Variants in DNAH7 observed in about 807,000 individuals in gnomAD.
The protein encoded by DNAH7 is dynein axonemal heavy chain 7.
A neutral mutation model predicts 444.6 loss-of-function variants in DNAH7; 397 were observed. That is an observed-to-expected ratio of 0.89 (90% CI 0.82 to 0.97). The LOEUF is 0.97. Ranked by LOEUF, DNAH7 falls within the 50% of genes least tolerant of loss-of-function variation. The probability of loss-of-function intolerance (pLI) is 0.00; values close to 1 mark genes in which losing one functional copy is unlikely to be tolerated. For missense variants in DNAH7, 4,902 were observed against 4,800.8 expected, an observed-to-expected ratio of 1.02 and a Z score of -0.62; for synonymous variants, 1,636 against 1,624.4, an observed-to-expected ratio of 1.01 and a Z score of -0.17.
At chr2:195,994,312 T>C in intron 12 of DNAH7, 1 of 530,292 alleles carries the variant, frequency 1.9e-6, no homozygotes, top group African/African-American at 2.0e-5. Flanking sequence ...AAGATATCAC[T>C]GATGCCTTCC....
At chr2:195,894,923 T>C in intron 30 of DNAH7, 53 bp downstream of exon 30, 11 of 1,478,048 alleles carry the variant, frequency 7.4e-6, no homozygotes, top group Non-Finnish European at 1.0e-5. Context: ...TGGTACATTC[T>C]ACCTTGCACA....
At chr2:195,896,639 A>G (rs555719903) in intron 29 of DNAH7, among the ~76,000 whole-genome samples, 63 of 152,334 alleles carry the variant, frequency 4.1e-4, no homozygotes, top group African/African-American at 1.5e-3. Flanking sequence ...ATACAACTGC[A>G]TGACAATACA....
Position 195,895,197 on chromosome 2 carries a change from C to G in DNAH7, c.4675G>C (p.Val1559Leu). Residue 1559 changes from valine to leucine, a missense_variant, in exon 30 of 65, where the codon GTA becomes CTA. Coordinates refer to ENST00000312428, the MANE Select transcript of DNAH7 (RefSeq NM_018897.3). The part of the protein sequence containing the change: ...EGITSDLFPG[V>L]KLPKPDYNDL... ...TTGTAATCTGGTTTTGGTAATTTTA[C>G]CCCAGGAAACAAATCCGAAGTAATT... 3 of 1,608,282 alleles carry G rather than the reference C, an allele frequency of 1.9e-6. No individual in the cohort carries two copies. The highest frequency in any genetic ancestry group is 2.6e-6 in the Non-Finnish European group (3 of 1,176,134).
At chr2:195,957,592 T>TA (rs1181435644) in intron 18 of DNAH7, 145 bp from the exon 19 acceptor site, 3 of 424,356 alleles carry the variant, frequency 7.1e-6, no homozygotes, top group African/African-American at 2.5e-5. Context: ...GTATATAATG[T>TA]TATACAATTG....
At chr2:195,898,469 A>G (rs1171744365) in intron 28 of DNAH7, among the ~76,000 whole-genome samples, 1 of 152,230 alleles carries the variant, frequency 6.6e-6, no homozygotes, top group Non-Finnish European at 1.5e-5. Context: ...AATCTTTCTT[A>G]AACATGAACT....
intron 12 of DNAH7, chr2:195,999,078 C>A: frequency 1.4e-6 from 1 of 716,026 alleles, no homozygotes; most frequent in Non-Finnish European, 2.6e-6. Context: ...CAAGGTCGAG[C>A]AAAGTTGGAA....
chr2:195,748,292 C>T (rs962067332), intron 63 of DNAH7, among the ~76,000 whole-genome samples: 3 of 152,144 alleles, frequency 2.0e-5, no homozygotes, highest in Non-Finnish European at 4.4e-5. Context: ...CGTGAAGGAC[C>T]TCTTCAAGGA....
chr2:196,055,810 C>T (rs1159282896), intron 2 of DNAH7, among the ~76,000 whole-genome samples: 1 of 152,164 alleles, frequency 6.6e-6, no homozygotes. Context: ...CCCTATGTAA[C>T]CCAAGCCTCC....
chr2:195,942,207 CT>C (rs1689497420), intron 19 of DNAH7, among the ~76,000 whole-genome samples: 1 of 152,032 alleles, frequency 6.6e-6, no homozygotes, highest in African/African-American at 2.4e-5. Context: ...ATGTGAGCCT[CT>C]TTATAAAGGT....
intron 24 of DNAH7, among the ~76,000 whole-genome samples, chr2:195,916,994 C>T (rs532580836): frequency 2.7e-5 from 4 of 148,892 alleles, no homozygotes; most frequent in East Asian, 4.0e-4. Flanking sequence ...CCCAGCTACT[C>T]GGGAGGCTGA....
chr2:195,739,762 C>T (rs1692882053), intron 64 of DNAH7, among the ~76,000 whole-genome samples: 1 of 152,194 alleles, frequency 6.6e-6, no homozygotes, highest in Non-Finnish European at 1.5e-5. Context: ...TTGTCACGCT[C>T]CTTGGTGGAC....
intron 12 of DNAH7, among the ~76,000 whole-genome samples, chr2:195,991,339 C>T (rs1693326435): frequency 6.6e-6 from 1 of 152,210 alleles, no homozygotes; most frequent in African/African-American, 2.4e-5. Flanking sequence ...CAAATCCCTC[C>T]TTCTCATACA....
At chr2:195,775,715 T>G (rs1009221998) in intron 60 of DNAH7, 131 bp downstream of exon 60, 34 of 992,326 alleles carry the variant, frequency 3.4e-5, no homozygotes, top group Non-Finnish European at 4.5e-5. Flanking sequence ...ATGTATGTAT[T>G]TTTGTCTTTT....
At chr2:195,779,204 T>G (rs1346462743) in intron 58 of DNAH7, among the ~76,000 whole-genome samples, 2 of 152,224 alleles carry the variant, frequency 1.3e-5, no homozygotes, top group African/African-American at 4.8e-5. Context: ...TCATAAAACA[T>G]TCTTTGAAAA....
rs114228118 is a variant in DNAH7 at position 195,761,725 on chromosome 2, T to C, written c.11434-5440A>G. Among the ~76,000 whole-genome samples the C allele has an allele frequency of 3.5e-3, 538 of 152,286 alleles. 5 individuals are homozygous for C. The highest frequency in any genetic ancestry group is 6.1e-3 in the Non-Finnish European group (417 of 68,000). On this transcript the variant is annotated intron_variant, in intron 61 of 64. Transcript: ENST00000312428. ...ACAAAACTTTTACCCTAGAATAGTA[T>C]ATCTGGTGAAAATATCCTTCAAATA...
chr2:196,058,628 T>C (rs970166820), intron 1 of DNAH7, among the ~76,000 whole-genome samples: 1 of 136,904 alleles, frequency 7.3e-6, no homozygotes, highest in Admixed American at 6.7e-5. Flanking sequence ...TAGGAATAAA[T>C]TTAACAAAAG....
intron 10 of DNAH7, among the ~76,000 whole-genome samples, chr2:196,012,226 G>A (rs1015142252): frequency 6.6e-5 from 10 of 152,084 alleles, no homozygotes; most frequent in African/African-American, 2.4e-4. Context: ...ATTTTCCTAA[G>A]TTGCTTCAAA....
Position 196,047,357 on chromosome 2 carries a change from G to A in DNAH7, c.393C>T (p.Val131=). The A allele has an allele frequency of 6.3e-7, 1 of 1,588,720 alleles. No individual in the cohort carries two copies. The highest frequency in any genetic ancestry group is 1.2e-5 in the South Asian group (1 of 85,522). The change falls in exon 5 of 65, where the codon GTC becomes GTT. Residue 131 remains valine, a synonymous_variant. Coordinates refer to ENST00000312428, the MANE Select transcript of DNAH7 (RefSeq NM_018897.3). ...RENFRSTLVN[V]IMQQDADLDS... The stretch of plus-strand genomic sequence containing the variant: ...GGTTAGCCTATACAACTTACATAAT[G>A]ACATTAACAAGAGTACTTCTAAAGT...
At chr2:195,924,079 C>T (rs1688187362) in intron 22 of DNAH7, among the ~76,000 whole-genome samples, 1 of 152,070 alleles carries the variant, frequency 6.6e-6, no homozygotes, top group African/African-American at 2.4e-5. Flanking sequence ...TTTGTTGGAG[C>T]TGTCAATCAT....
Sources: allele counts gnomAD v4.1 joint callset (sites outside exome capture counted in the v4.1 genomes callset), GRCh38; gene constraint gnomAD v4.1.1; transcripts MANE v1.5; gene names NCBI Gene and HGNC (gene_info 2026-07-23, HGNC 2026-07-21).